Variants in ACTN2 observed in about 807,000 individuals in gnomAD.
ACTN2 encodes alpha-actinin-2.
In ACTN2, 39 loss-of-function variants were observed where a neutral mutation model predicts 113.8. The observed-to-expected ratio is 0.34, with a 90% confidence interval of 0.27 to 0.45. The LOEUF is 0.45. ACTN2 is among the 20% of genes least tolerant of loss of function. The probability of loss-of-function intolerance (pLI) is 1.00; values close to 1 mark genes in which losing one functional copy is unlikely to be tolerated. For missense variants in ACTN2, 992 were observed against 1,177.9 expected, an observed-to-expected ratio of 0.84 and a Z score of 2.31; for synonymous variants, 429 against 444.1, an observed-to-expected ratio of 0.97 and a Z score of 0.43.
In ACTN2 at chr1:236,759,591, A is replaced by AGTGGTG. The variant is rs1226871632; in HGVS notation, c.2302-133_2302-132insGTGGTG. 8.1e-4 allele frequency: 613 copies of AGTGGTG among 755,396 alleles called. 3 individuals are homozygous for AGTGGTG. In the East Asian group the frequency reaches 0.011, roughly 13 times the overall value. 46.8% of individuals were successfully genotyped at this position (755,396 alleles called of 1,614,324 possible). On this transcript the variant is annotated intron_variant, in intron 18 of 20. Transcript: ENST00000366578. ...CTTGTGCTGGCTCCATCCTTCTCGCAAGTCAGTGGTGACATTTACGACCTT... is the reference window on the plus strand; with the variant it reads ...CTTGTGCTGGCTCCATCCTTCTCGCAGTGGTGAGTCAGTGGTGACATTTACGACCTT...
intron 1 of ACTN2, among the ~76,000 whole-genome samples, chr1:236,705,507 C>G (rs1320367295): frequency 1.3e-5 from 2 of 151,844 alleles, no homozygotes; most frequent in Non-Finnish European, 2.9e-5. Flanking sequence ...TGGAGGGGCC[C>G]TTTTTTCTGT....
At chr1:236,746,915 A>C (rs1659254826) in intron 12 of ACTN2, among the ~76,000 whole-genome samples, 1 of 152,180 alleles carries the variant, frequency 6.6e-6, no homozygotes, top group Admixed American at 6.5e-5. Context: ...GCTATGTTAG[A>C]TAAAGTCATG....
intron 1 of ACTN2, among the ~76,000 whole-genome samples, chr1:236,699,830 C>T (rs1657622165): frequency 6.6e-6 from 1 of 152,058 alleles, no homozygotes; most frequent in African/African-American, 2.4e-5. Flanking sequence ...ATCCAGTAGG[C>T]CAAGGAAAAA....
chr1:236,717,685 C>T (rs985010226), intron 1 of ACTN2, among the ~76,000 whole-genome samples, 173 bp from the exon 2 acceptor site: 1 of 152,100 alleles, frequency 6.6e-6, no homozygotes, highest in Non-Finnish European at 1.5e-5. Flanking sequence ...TTACTAAAAT[C>T]GTTCTTTTGG....
At chr1:236,693,324 A>C (rs707201) in intron 1 of ACTN2, among the ~76,000 whole-genome samples, 10,204 of 152,220 alleles carry the variant, frequency 0.067, 422 homozygotes, top group East Asian at 0.2. Context: ...TCATTTGGCA[A>C]ACATTTTTGT....
rs1376117612 is a variant in ACTN2 at position 236,717,966 on chromosome 1, A to G, written c.235A>G (p.Ile79Val). Residue 79 changes from isoleucine (I) to valine (V), a missense_variant, in exon 2 of 21, where the codon ATC becomes GTC. This residue lies in a region of ACTN2 where 220 missense variants were observed against 337.5 expected (regional missense o/e 0.65). Coordinates refer to ENST00000366578, the MANE Select transcript of ACTN2 (RefSeq NM_001103.4). ...TAAGCTCATGCTGCTTTTGGAAGTC[A>G]TCTCAGGTTGGTGTTATATATCCCA... ...GLKLMLLLEV[I>V]SGERLPKPDR... 6.2e-7 allele frequency: 1 copy of G among 1,612,770 alleles called. No homozygotes were observed. Among genetic ancestry groups the G allele is most frequent in the Non-Finnish European group, 8.5e-7 (1 of 1,178,926 alleles).
In ACTN2 at chr1:236,741,016, G is replaced by C. The variant is rs115261836; in HGVS notation, c.1107+1484G>C. On this transcript the variant is annotated intron_variant, in intron 10 of 20. Coordinates refer to ENST00000366578, the MANE Select transcript of ACTN2 (RefSeq NM_001103.4). ...CTCTTCATCTTTATACCCTCCAGGT[G>C]ATCTCATCCAGGCCCATGGCTTGTT... 2.3e-3 allele frequency among the ~76,000 whole-genome samples: 352 copies of C among 152,176 alleles called. 1 individual carries two copies. Among genetic ancestry groups the C allele is most frequent in the African/African-American group, 8.0e-3 (332 of 41,502 alleles).
intron 1 of ACTN2, among the ~76,000 whole-genome samples, chr1:236,704,666 T>C (rs1020605350): frequency 7.2e-5 from 11 of 152,080 alleles, no homozygotes; most frequent in African/African-American, 2.4e-4. Context: ...AGGAGATGCA[T>C]AGGGTGAGGT....
chr1:236,736,748 T>C (rs960372351), intron 8 of ACTN2: 1 of 921,642 alleles, frequency 1.1e-6, no homozygotes, highest in African/African-American at 1.6e-5. Flanking sequence ...CTCCATCCCA[T>C]CGTCATGAGA....
chr1:236,686,871 C>T lies in ACTN2; in HGVS notation c.126+72C>T, dbSNP rs567105469. 279 of 1,299,580 alleles carry T rather than the reference C, an allele frequency of 2.1e-4. 7 individuals are homozygous for T. The South Asian group carries it at 6.3e-3, about 29-fold the overall frequency. The allele number at this position is 1,299,580 out of a possible 1,614,324, so 80.5% of individuals were successfully genotyped here. ...CCCGCGGGGCTCCCGTGCGCGTGGC[C>T]GCGTGGCCTGGCGACTGGCGAGAGG... On this transcript the variant is annotated intron_variant, in intron 1 of 20. Transcript: ENST00000366578.
chr1:236,758,203 G>C (rs562674577), intron 18 of ACTN2, among the ~76,000 whole-genome samples: 1 of 151,858 alleles, frequency 6.6e-6, no homozygotes, highest in East Asian at 1.9e-4. Flanking sequence ...ATAATATTGA[G>C]TAGAACCAAT....
intron 1 of ACTN2, among the ~76,000 whole-genome samples, chr1:236,709,055 A>G (rs948170316): frequency 2.0e-5 from 3 of 151,662 alleles, no homozygotes; most frequent in African/African-American, 4.8e-5. Flanking sequence ...AGAAAAATAA[A>G]TGGAGCATTT....
At chr1:236,721,503 G>A (rs931104829) in intron 4 of ACTN2, among the ~76,000 whole-genome samples, 1 of 152,036 alleles carries the variant, frequency 6.6e-6, no homozygotes, top group African/African-American at 2.4e-5. Context: ...AAAATCTAAT[G>A]GCATTAAAAC....
chr1:236,710,699 A>G (rs1248660069), intron 1 of ACTN2, among the ~76,000 whole-genome samples: 1 of 152,158 alleles, frequency 6.6e-6, no homozygotes, highest in African/African-American at 2.4e-5. Context: ...AAGTGAGCAG[A>G]AGCTGCTCCC....
chr1:236,721,586 G>C (rs1572116145), intron 4 of ACTN2, among the ~76,000 whole-genome samples: 1 of 152,276 alleles, frequency 6.6e-6, no homozygotes, highest in East Asian at 1.9e-4. Context: ...GTACAATATA[G>C]TTCTATTACA....
intron 1 of ACTN2, 144 bp from the exon 2 acceptor site, chr1:236,717,714 C>A: frequency 1.5e-6 from 1 of 679,104 alleles, no homozygotes; most frequent in Non-Finnish European, 2.7e-6. Context: ...TTCTTCTTTC[C>A]ATCAAATTCT....
chr1:236,695,560 AG>A (rs1657465683), intron 1 of ACTN2, among the ~76,000 whole-genome samples: 2 of 41,888 alleles, frequency 4.8e-5, no homozygotes, highest in African/African-American at 7.2e-5. Context: ...ATTTGAAATG[AG>A]TTCCCCCCCC....
At chr1:236,739,106 AT>A (rs1558241038) in intron 9 of ACTN2, among the ~76,000 whole-genome samples, 195 bp from the exon 10 acceptor site, 4 of 152,070 alleles carry the variant, frequency 2.6e-5, no homozygotes, top group African/African-American at 9.7e-5. Flanking sequence ...TGTGTTTGGT[AT>A]CGTTGGGGTG....
At chr1:236,740,435 C>T (rs909790623) in intron 10 of ACTN2, among the ~76,000 whole-genome samples, 1 of 152,024 alleles carries the variant, frequency 6.6e-6, no homozygotes. Context: ...ACTTCTCTTA[C>T]CCTTCAACTT....
Sources: gnomAD v4.1 joint callset for allele counts (sites outside exome capture counted in the v4.1 genomes callset) on GRCh38, gnomAD v4.1.1 for gene constraint, gnomAD v4.1.1 regional missense constraint, MANE v1.5 for transcripts, NCBI Gene and HGNC (gene_info 2026-07-23, HGNC 2026-07-21) for gene names.